Variants in ARHGAP32 observed in about 807,000 individuals in gnomAD.
ARHGAP32 encodes rho GTPase-activating protein 32.
Under a neutral mutation model 186.5 loss-of-function variants are expected in ARHGAP32, and 51 were observed. The ratio of observed to expected loss-of-function variants is 0.27; its 90% confidence interval spans 0.22 to 0.35. ARHGAP32 has a LOEUF of 0.35. Among genes scored for constraint, ARHGAP32 ranks in the 10% least tolerant of loss-of-function variants. ARHGAP32 has a pLI of 1.00. For synonymous variants in ARHGAP32, 950 were observed against 964.3 expected (o/e 0.99, Z 0.27); for missense variants, 2,186 against 2,623.5 (o/e 0.83, Z 3.64).
At chr11:129,276,188 T>A (rs910352195) in intron 1 of ARHGAP32, among the ~76,000 whole-genome samples, 5 of 152,220 alleles carry the variant, frequency 3.3e-5, no homozygotes, top group Admixed American at 6.5e-5. Flanking sequence ...AATTGAAAAT[T>A]CCAGAGAGTT....
chr11:129,114,944 C>T (rs923429340), intron 5 of ARHGAP32, among the ~76,000 whole-genome samples: 4 of 152,048 alleles, frequency 2.6e-5, no homozygotes, highest in African/African-American at 9.7e-5. Context: ...TAGCATAGAG[C>T]AGGGTAAAAA....
At chr11:129,127,849 G>A (rs1423046405) in intron 2 of ARHGAP32, among the ~76,000 whole-genome samples, 1 of 152,022 alleles carries the variant, frequency 6.6e-6, no homozygotes, top group Non-Finnish European at 1.5e-5. Flanking sequence ...CATCAACACA[G>A]TAACAGCATC....
chr11:129,257,102 TA>T (rs1332048145), intron 1 of ARHGAP32, among the ~76,000 whole-genome samples: 1 of 152,260 alleles, frequency 6.6e-6, no homozygotes, highest in East Asian at 1.9e-4. Context: ...GTTTTTAAGC[TA>T]GGCACAAAAA....
At chr11:129,086,738 G>A (rs918207634) in intron 6 of ARHGAP32, among the ~76,000 whole-genome samples, 7 of 150,436 alleles carry the variant, frequency 4.7e-5, no homozygotes, top group South Asian at 2.1e-4. Context: ...GGAGAATGGC[G>A]TGAACCCGGG....
chr11:129,133,303 C>T (rs1240000967), intron 2 of ARHGAP32, among the ~76,000 whole-genome samples: 1 of 152,144 alleles, frequency 6.6e-6, no homozygotes, highest in Non-Finnish European at 1.5e-5. Context: ...CTCTAACACT[C>T]ATGTCTTCGA....
At chr11:129,028,224 G>A (rs1938949320) in intron 11 of ARHGAP32, among the ~76,000 whole-genome samples, 1 of 152,206 alleles carries the variant, frequency 6.6e-6, no homozygotes, top group African/African-American at 2.4e-5. Context: ...ATTTTTTTGA[G>A]AGAAATGAAT....
chr11:128,968,747 G>A lies in ARHGAP32; in HGVS notation c.*160C>T. 1 of 543,796 alleles carries A rather than the reference G, an allele frequency of 1.8e-6. No individual in the cohort carries two copies. Among genetic ancestry groups the A allele is most frequent in the East Asian group, 3.4e-5 (1 of 29,760 alleles). 33.7% of individuals were successfully genotyped at this position (543,796 alleles called of 1,614,324 possible). ...AGATGGAAGAGGGGGTAATGAAGCA[G>A]GGAAGGGGAAAAAGATGCTGATTTG... On this transcript the variant is annotated 3_prime_UTR_variant, in exon 23 of 23. Coordinates refer to ENST00000682385, the MANE Select transcript of ARHGAP32 (RefSeq NM_001378024.1).
chr11:129,235,681 T>C (rs1944919746), intron 1 of ARHGAP32, among the ~76,000 whole-genome samples: 1 of 152,088 alleles, frequency 6.6e-6, no homozygotes, highest in Non-Finnish European at 1.5e-5. Flanking sequence ...GTACCCAATG[T>C]GTAGACTTTT....
At chr11:129,279,498 C>T (rs1304360599), upstream of ARHGAP32, among the ~76,000 whole-genome samples, 1 of 144,226 alleles carries the variant, frequency 6.9e-6, no homozygotes, top group African/African-American at 2.5e-5. Flanking sequence ...CACCCTGACG[C>T]CTTCGGGCCG....
chr11:128,980,811 T>C (rs1438257953), intron 17 of ARHGAP32, 63 bp from the exon 18 acceptor site: 4 of 1,235,484 alleles, frequency 3.2e-6, no homozygotes, highest in Non-Finnish European at 4.6e-6. Flanking sequence ...AATTTGTTAG[T>C]ATCTATCTCT....
At chr11:129,043,381 C>CTTT (rs1213682729) in intron 10 of ARHGAP32, among the ~76,000 whole-genome samples, 30 of 103,338 alleles carry the variant, frequency 2.9e-4, no homozygotes, top group Non-Finnish European at 3.9e-4. Context: ...TTCTTTTTTT[C>CTTT]TTTTTTTTTT....
intron 6 of ARHGAP32, among the ~76,000 whole-genome samples, chr11:129,068,000 T>C (rs960770494): frequency 6.6e-6 from 1 of 152,104 alleles, no homozygotes; most frequent in Non-Finnish European, 1.5e-5. Context: ...ACTTCTACAC[T>C]TGACCTTGGC....
intron 1 of ARHGAP32, among the ~76,000 whole-genome samples, chr11:129,262,327 T>C (rs889815410): frequency 1.3e-5 from 2 of 152,130 alleles, no homozygotes; most frequent in African/African-American, 4.8e-5. Context: ...ACTGAATTAA[T>C]GTTGATATAT....
rs79480242 is a variant in ARHGAP32 at position 129,246,815 on chromosome 11, T to C, written c.-5+32331A>G. On this transcript the variant is annotated intron_variant, in intron 1 of 6. Transcript: ENST00000525234. Reference sequence around the variant, plus strand: ...CAATTATAACATTGGGGTGGGATTTTAAAAGGGCCTATCCTCTGCCTGTTT... The same window carrying C: ...CAATTATAACATTGGGGTGGGATTTCAAAAGGGCCTATCCTCTGCCTGTTT... Among the ~76,000 whole-genome samples the C allele has an allele frequency of 6.5e-3, 995 of 152,340 alleles. 15 individuals are homozygous for C. The highest frequency in any genetic ancestry group is 0.023 in the African/African-American group (962 of 41,576).
intron 11 of ARHGAP32, among the ~76,000 whole-genome samples, chr11:128,999,199 G>A (rs1946283489): frequency 6.6e-6 from 1 of 152,132 alleles, no homozygotes; most frequent in African/African-American, 2.4e-5. Context: ...GCATTCCCAG[G>A]GGGAGGTCTC....
intron 1 of ARHGAP32, among the ~76,000 whole-genome samples, chr11:129,274,305 C>A (rs901979432): frequency 6.6e-6 from 1 of 152,204 alleles, no homozygotes; most frequent in African/African-American, 2.4e-5. Flanking sequence ...TTTTTAACCT[C>A]AAGAGAAAAC....
At chr11:129,112,453 T>A (rs1296913481) in intron 5 of ARHGAP32, among the ~76,000 whole-genome samples, 1 of 152,296 alleles carries the variant, frequency 6.6e-6, no homozygotes, top group South Asian at 2.1e-4. Context: ...TAGAAAGTTT[T>A]AGTTAGTTTG....
At chr11:129,191,527 G>C (rs368999262) in intron 1 of ARHGAP32, among the ~76,000 whole-genome samples, 4 of 152,156 alleles carry the variant, frequency 2.6e-5, no homozygotes, top group African/African-American at 7.2e-5. Context: ...CAAAAACCAA[G>C]AGAGATTTGG....
chr11:129,074,245 C>G (rs1490323569), intron 6 of ARHGAP32, among the ~76,000 whole-genome samples: 2 of 149,638 alleles, frequency 1.3e-5, no homozygotes, highest in African/African-American at 5.0e-5. Flanking sequence ...ATAATAGCAA[C>G]AACAATGTAC....
Sources: allele counts gnomAD v4.1 joint callset (sites outside exome capture counted in the v4.1 genomes callset), GRCh38; gene constraint gnomAD v4.1.1; transcripts MANE v1.5; gene names NCBI Gene and HGNC (gene_info 2026-07-23, HGNC 2026-07-21).